The following GRIN2A variants were observed in gnomAD, a reference collection of about 807,000 sequenced individuals.
GRIN2A encodes the protein glutamate ionotropic receptor NMDA type subunit 2A.
A neutral mutation model predicts 113.4 loss-of-function variants in GRIN2A; 22 were observed. The ratio of observed to expected loss-of-function variants is 0.19; its 90% CI spans 0.14 to 0.28. The LOEUF is 0.28. GRIN2A is among the 10% of genes least tolerant of loss of function. The probability of loss-of-function intolerance (pLI) is 1.00; values close to 1 mark genes in which losing one functional copy is unlikely to be tolerated. For synonymous variants in GRIN2A, 827 were observed against 738.4 expected, an observed-to-expected ratio of 1.12 and a Z score of -1.94; for missense variants, 1,502 against 1,887.0, an observed-to-expected ratio of 0.80 and a Z score of 3.78.
At chr16:9,979,503 G>A (rs989934652) in intron 2 of GRIN2A, among the ~76,000 whole-genome samples, 2 of 152,030 alleles carry the variant, frequency 1.3e-5, no homozygotes, top group Admixed American at 1.3e-4. Flanking sequence ...AACGTCTCAT[G>A]CTCTGAGAGG....
chr16:9,989,953 C>G (rs531380300), intron 2 of GRIN2A, among the ~76,000 whole-genome samples: 1 of 152,112 alleles, frequency 6.6e-6, no homozygotes, highest in Non-Finnish European at 1.5e-5. Flanking sequence ...ATTAGTTCAG[C>G]CCCAGTGGAA....
At chr16:9,903,249 T>G (rs2043968384) in intron 3 of GRIN2A, among the ~76,000 whole-genome samples, 1 of 152,164 alleles carries the variant, frequency 6.6e-6, no homozygotes, top group African/African-American at 2.4e-5. Flanking sequence ...ATTACAGGCG[T>G]GAGTCACCGT....
At chr16:10,046,075 C>G (rs1473984219) in intron 2 of GRIN2A, among the ~76,000 whole-genome samples, 2 of 152,148 alleles carry the variant, frequency 1.3e-5, no homozygotes, top group Non-Finnish European at 2.9e-5. Flanking sequence ...CAGTTGAAAA[C>G]CACTGCTCTA....
At chr16:10,054,956 G>A (rs1021435746) in intron 2 of GRIN2A, among the ~76,000 whole-genome samples, 3 of 147,686 alleles carry the variant, frequency 2.0e-5, no homozygotes, top group Admixed American at 6.9e-5. Flanking sequence ...CTGGAGGCAG[G>A]AGAATCGCTT....
At chr16:9,965,262 C>G (rs2045530760) in intron 2 of GRIN2A, among the ~76,000 whole-genome samples, 1 of 152,244 alleles carries the variant, frequency 6.6e-6, no homozygotes, top group Admixed American at 6.5e-5. Flanking sequence ...TCCTAACCCT[C>G]TGTGCCGTAT....
At chr16:9,799,951 C>T in intron 10 of GRIN2A, among the ~76,000 whole-genome samples, 1 of 144,302 alleles carries the variant, frequency 6.9e-6, no homozygotes, top group East Asian at 2.0e-4. Flanking sequence ...TCCAAGGGCA[C>T]AACTGTGCCT....
intron 2 of GRIN2A, among the ~76,000 whole-genome samples, chr16:9,965,439 A>G (rs2045536472): frequency 6.6e-6 from 1 of 152,266 alleles, no homozygotes; most frequent in Admixed American, 6.5e-5. Context: ...GCCAGGAAAT[A>G]GAACACAAAG....
chr16:10,053,658 T>A (rs1462518593), intron 2 of GRIN2A, among the ~76,000 whole-genome samples: 1 of 152,214 alleles, frequency 6.6e-6, no homozygotes, highest in Non-Finnish European at 1.5e-5. Context: ...CCACTTTGCC[T>A]AGTCTACATC....
chr16:9,903,767 T>C (rs574519889), intron 3 of GRIN2A, among the ~76,000 whole-genome samples: 25 of 152,346 alleles, frequency 1.6e-4, no homozygotes, highest in Admixed American at 4.6e-4. Flanking sequence ...TTTATTTATG[T>C]TGGTCCCAAC....
At chr16:9,902,959 T>TGGGGGGGGG (rs1191759288) in intron 3 of GRIN2A, among the ~76,000 whole-genome samples, 1 of 24,832 alleles carries the variant, frequency 4.0e-5, no homozygotes, top group African/African-American at 2.8e-4. Context: ...TTTTTTTTTT[T>TGGGGGGGGG]GGCGGGGGGG....
Position 9,849,739 on chromosome 16 carries a change from G to C in GRIN2A, c.1328+17C>G. On this transcript the variant is annotated intron_variant, in intron 5 of 12. Coordinates refer to ENST00000330684, the MANE Select transcript of GRIN2A (RefSeq NM_001134407.3). ...AAGGGTTGGGCACGTTCAGGTGACA[G>C]CATTCCTGCCACTCACTTGATTTTG... The C allele has an allele frequency of 1.3e-6, 2 of 1,599,368 alleles. No individual in the cohort carries two copies. Among genetic ancestry groups the C allele is most frequent in the South Asian group, 1.1e-5 (1 of 90,796 alleles).
Position 10,180,595 on chromosome 16 carries a change from C to T in GRIN2A, c.-18-166G>A. On this transcript the variant is annotated intron_variant, in intron 1 of 12. Transcript: ENST00000330684. This position sits in a 1 kb window ranked among gnomAD's most constrained non-coding sequence, Gnocchi z 7.0. ...CGAGTCCCCGACGCCATCCACATCC[C>T]TCGATCCATCTCTAACTCTATCCAC... 7.3e-6 allele frequency: 5 copies of T among 683,694 alleles called. No homozygotes were observed. Among genetic ancestry groups the T allele is most frequent in the Non-Finnish European group, 9.0e-6 (5 of 554,476 alleles). The allele number at this position is 683,694 out of a possible 1,614,324, so 42.4% of individuals were successfully genotyped here.
At position 9,762,865 on chromosome 16, in the gene GRIN2A, C is replaced by T; in HGVS notation, c.*284G>A. The T allele has an allele frequency of 1.9e-6, 1 of 513,410 alleles. No individual in the cohort carries two copies. Among genetic ancestry groups the T allele is most frequent in the Non-Finnish European group, 3.5e-6 (1 of 285,856 alleles). 31.8% of individuals were successfully genotyped at this position (513,410 alleles called of 1,614,324 possible). Reference sequence around the variant, plus strand: ...CCAATGCATCATTATTGCCAACATACCCAGTAGGCATGTCCCGGAGACTTG... The same window carrying T: ...CCAATGCATCATTATTGCCAACATATCCAGTAGGCATGTCCCGGAGACTTG... On this transcript the variant is annotated 3_prime_UTR_variant, in exon 13 of 13. Transcript: ENST00000330684.
At chr16:10,039,558 C>G (rs1001159648) in intron 2 of GRIN2A, among the ~76,000 whole-genome samples, 1 of 152,024 alleles carries the variant, frequency 6.6e-6, no homozygotes, top group Non-Finnish European at 1.5e-5. Flanking sequence ...AGGCTGCCAC[C>G]TACAGAACAG....
intron 2 of GRIN2A, among the ~76,000 whole-genome samples, chr16:10,142,552 G>T (rs957663289): frequency 6.6e-6 from 1 of 152,088 alleles, no homozygotes; most frequent in Non-Finnish European, 1.5e-5. Context: ...AATTACCCGG[G>T]CATGGTGGTG....
chr16:10,071,327 G>A (rs1939345454), intron 2 of GRIN2A, among the ~76,000 whole-genome samples: 1 of 152,106 alleles, frequency 6.6e-6, no homozygotes, highest in South Asian at 2.1e-4. Flanking sequence ...TCAGTAATTG[G>A]AATTACTGAC....
At chr16:9,828,519 A>G (rs2042428616) in intron 9 of GRIN2A, among the ~76,000 whole-genome samples, 1 of 152,238 alleles carries the variant, frequency 6.6e-6, no homozygotes, top group Admixed American at 6.5e-5. Flanking sequence ...GCGAGGTTTT[A>G]TAACGAGAGA....
At chr16:9,911,740 A>G (rs111615086) in intron 3 of GRIN2A, among the ~76,000 whole-genome samples, 2,200 of 152,358 alleles carry the variant, frequency 0.014, 56 homozygotes, top group African/African-American at 0.048. Flanking sequence ...AACAGGGAGA[A>G]GCACATGATT....
intron 2 of GRIN2A, among the ~76,000 whole-genome samples, chr16:10,091,798 C>T (rs1432299003): frequency 2.0e-5 from 3 of 152,132 alleles, no homozygotes; most frequent in African/African-American, 7.2e-5. Context: ...ATTCCATTTA[C>T]ATTAAATTTC....
Sources: allele counts gnomAD v4.1 joint callset (sites outside exome capture counted in the v4.1 genomes callset), GRCh38; gene constraint gnomAD v4.1.1; non-coding constraint Gnocchi (gnomAD v3.1); transcripts MANE v1.5; gene names NCBI Gene and HGNC (gene_info 2026-07-23, HGNC 2026-07-21).